The following WASHC2A variants were observed in gnomAD, a reference collection of about 807,000 sequenced individuals.
The protein encoded by WASHC2A is WASH complex subunit 2A.
In WASHC2A, 82 loss-of-function variants were observed where a neutral mutation model predicts 140.3. The observed-to-expected ratio is 0.58, with a 90% CI of 0.49 to 0.70. The LOEUF is 0.70. Among genes scored for constraint, WASHC2A ranks in the 30% least tolerant of loss-of-function variants. The pLI is 0.00. For synonymous variants in WASHC2A, 340 were observed against 560.8 expected, an observed-to-expected ratio of 0.61 and a Z score of 5.56; for missense variants, 985 against 1,521.8, an observed-to-expected ratio of 0.65 and a Z score of 5.87.
intron 5 of WASHC2A, among the ~76,000 whole-genome samples, chr10:50,082,385 T>A (rs1253271443): frequency 5.3e-5 from 8 of 151,624 alleles, no homozygotes; most frequent in Non-Finnish European, 1.0e-4. Flanking sequence ...GGAAGAGATA[T>A]CATTGCCAAA....
chr10:50,088,263 A>G (rs1460139400), intron 8 of WASHC2A, among the ~76,000 whole-genome samples: 2 of 145,326 alleles, frequency 1.4e-5, no homozygotes, highest in Non-Finnish European at 3.1e-5. Flanking sequence ...AATGTATTCA[A>G]TATTTTCTTT....
chr10:50,085,386 A>T (rs1298626172), intron 6 of WASHC2A, 111 bp from the exon 7 acceptor site: 19 of 252,790 alleles, frequency 7.5e-5, no homozygotes, highest in Non-Finnish European at 1.2e-4. Flanking sequence ...GTGGGTATAG[A>T]TGGTTTTATC....
chr10:50,132,655 C>G, intron 30 of WASHC2A, 151 bp from the exon 31 acceptor site: 1 of 1,263,664 alleles, frequency 7.9e-7, no homozygotes, highest in Non-Finnish European at 1.1e-6. Flanking sequence ...AACACAGAAC[C>G]AGAATCTAAG....
chr10:50,091,794 C>A (rs1164635107), intron 10 of WASHC2A, among the ~76,000 whole-genome samples: 1 of 152,122 alleles, frequency 6.6e-6, no homozygotes, highest in East Asian at 1.9e-4. Context: ...CTCCAGAGAA[C>A]CATGGGCAAC....
At chr10:50,126,748 C>T (rs2133078882) in intron 26 of WASHC2A, among the ~76,000 whole-genome samples, 1 of 151,666 alleles carries the variant, frequency 6.6e-6, no homozygotes, top group Non-Finnish European at 1.5e-5. Context: ...GAACACATCA[C>T]CACTGACCCT....
chr10:50,130,158 A>C, intron 29 of WASHC2A, 119 bp downstream of exon 29: 3 of 1,295,076 alleles, frequency 2.3e-6, no homozygotes, highest in Non-Finnish European at 1.1e-6. Flanking sequence ...CCACTTGCTT[A>C]GTAATTATAA....
At chr10:50,108,889 GAAAAAAAAA>G in intron 19 of WASHC2A, among the ~76,000 whole-genome samples, 1 of 75,644 alleles carries the variant, frequency 1.3e-5, no homozygotes, top group African/African-American at 5.3e-5. Context: ...CTCGAAAAAG[GAAAAAAAAA>G]AAAAAAAAAA....
chr10:50,068,793 C>G (rs1237508598), intron 2 of WASHC2A, among the ~76,000 whole-genome samples: 1 of 149,764 alleles, frequency 6.7e-6, no homozygotes, highest in African/African-American at 2.5e-5. Flanking sequence ...TCTTGGCTCA[C>G]TGAATCCTCT....
chr10:50,088,575 A>G (rs1314743901), intron 8 of WASHC2A, among the ~76,000 whole-genome samples: 2 of 149,660 alleles, frequency 1.3e-5, no homozygotes, highest in Non-Finnish European at 3.0e-5. Context: ...TTTCATATAT[A>G]GAAATCCTTT....
chr10:50,104,474 G>C (rs1297845405), intron 18 of WASHC2A, among the ~76,000 whole-genome samples: 1 of 150,606 alleles, frequency 6.6e-6, no homozygotes, highest in African/African-American at 2.4e-5. Context: ...CTCCTGCCTC[G>C]ACCTCCCAAG....
chr10:50,107,643 CG>C (rs1474783251), intron 19 of WASHC2A, among the ~76,000 whole-genome samples: 7 of 151,992 alleles, frequency 4.6e-5, no homozygotes, highest in East Asian at 3.9e-4. Flanking sequence ...CTTATGCGGC[CG>C]GGCGTGGTGG....
At chr10:50,124,455 T>C (rs1414834613) in intron 23 of WASHC2A, among the ~76,000 whole-genome samples, 20 of 151,908 alleles carry the variant, frequency 1.3e-4, no homozygotes, top group Non-Finnish European at 2.2e-4. Context: ...GGATGAATTT[T>C]AGAATGTCAG....
intron 17 of WASHC2A, 59 bp downstream of exon 17, chr10:50,100,123 T>A (rs1840961360): frequency 7.0e-7 from 1 of 1,427,878 alleles, no homozygotes; most frequent in South Asian, 1.2e-5. Flanking sequence ...ATAGAAACTA[T>A]TTTTGAATCA....
chr10:50,123,928 T>C (rs1362687618), intron 23 of WASHC2A, among the ~76,000 whole-genome samples: 1 of 152,054 alleles, frequency 6.6e-6, no homozygotes, highest in Non-Finnish European at 1.5e-5. Flanking sequence ...TTTGATATAT[T>C]TTCTCCCAGT....
At chr10:50,069,342 C>T (rs1189971244) in intron 2 of WASHC2A, among the ~76,000 whole-genome samples, 1 of 151,656 alleles carries the variant, frequency 6.6e-6, no homozygotes, top group African/African-American at 2.4e-5. Context: ...AGGAGAATCG[C>T]TTGAACGCGG....
At chr10:50,126,912 C>G (rs1843484105) in intron 26 of WASHC2A, among the ~76,000 whole-genome samples, 1 of 152,106 alleles carries the variant, frequency 6.6e-6, no homozygotes, top group African/African-American at 2.4e-5. Context: ...TCTTGGGAAT[C>G]TTACTCATCT....
chr10:50,102,157 C>T (rs2132724667), intron 17 of WASHC2A, among the ~76,000 whole-genome samples: 1 of 152,222 alleles, frequency 6.6e-6, no homozygotes, highest in Non-Finnish European at 1.5e-5. Context: ...AAGGCTTTGC[C>T]CCATGTGTGT....
intron 5 of WASHC2A, among the ~76,000 whole-genome samples, chr10:50,082,337 T>C (rs1838975724): frequency 6.6e-6 from 1 of 152,006 alleles, no homozygotes; most frequent in African/African-American, 2.4e-5. Flanking sequence ...GTGTGAAATG[T>C]CAGAATTATT....
intron 30 of WASHC2A, among the ~76,000 whole-genome samples, chr10:50,132,435 G>A (rs1429120840): frequency 6.6e-6 from 1 of 152,204 alleles, no homozygotes; most frequent in Non-Finnish European, 1.5e-5. Flanking sequence ...ATTTCCCTTT[G>A]CGTATTTTTA....
Sources: allele counts gnomAD v4.1 joint callset (sites outside exome capture counted in the v4.1 genomes callset), GRCh38; gene constraint gnomAD v4.1.1; transcripts MANE v1.5; gene names NCBI Gene and HGNC (gene_info 2026-07-23, HGNC 2026-07-21).